The following KANK1 variants were observed in gnomAD, a reference collection of about 807,000 sequenced individuals.
KANK1 encodes KN motif and ankyrin repeat domain-containing protein 1.
KANK1 carries 109 observed loss-of-function variants against 106.2 expected under a neutral mutation model. That is an observed-to-expected ratio of 1.03 (90% CI 0.88 to 1.20). The LOEUF (loss-of-function observed/expected upper bound fraction) is 1.20, where lower values mean the gene tolerates loss of function less well. Among genes scored for constraint, KANK1 ranks in the 50% most tolerant of loss-of-function variants. The probability of loss-of-function intolerance (pLI) is 0.00; values close to 1 mark genes in which losing one functional copy is unlikely to be tolerated. For synonymous variants in KANK1, 873 were observed against 652.2 expected, an observed-to-expected ratio of 1.34 and a Z score of -5.16; for missense variants, 2,399 against 1,710.7, an observed-to-expected ratio of 1.40 and a Z score of -7.10.
At chr9:697,941 C>T (rs1589001174) in intron 2 of KANK1, among the ~76,000 whole-genome samples, 1 of 152,234 alleles carries the variant, frequency 6.6e-6, no homozygotes, top group East Asian at 1.9e-4. Flanking sequence ...GGGTTACCTG[C>T]AACAAGATCT....
rs949228797 is a variant in KANK1, at chr9:730,359, T to C, written c.2896+111T>C. 28 of 1,146,662 alleles carry C rather than the reference T, an allele frequency of 2.4e-5. No individual in the cohort carries two copies. In the African/African-American group the frequency reaches 3.5e-4, roughly 14 times the overall value. 71.0% of individuals were successfully genotyped at this position (1,146,662 alleles called of 1,614,324 possible). ...AAATTGACCTGGAAGAAAGTTAATATCGTTATTTGGAAGGTAGGCCCAGAA... is the reference window on the plus strand; with the variant it reads ...AAATTGACCTGGAAGAAAGTTAATACCGTTATTTGGAAGGTAGGCCCAGAA... On this transcript the variant is annotated intron_variant, in intron 4 of 11. Transcript: ENST00000382297.
chr9:549,545 TTTCC>T (rs1380163175), intron 1 of KANK1: 1 of 152,192 alleles, frequency 6.6e-6, no homozygotes, highest in Non-Finnish European at 1.5e-5. Flanking sequence ...AGGACAGTTT[TTTCC>T]TTCCTTTTCC....
chr9:694,760 C>T (rs1820820355), intron 2 of KANK1, among the ~76,000 whole-genome samples: 1 of 152,118 alleles, frequency 6.6e-6, no homozygotes, highest in Non-Finnish European at 1.5e-5. Flanking sequence ...TTAACCCATG[C>T]CCAGAGTAGA....
intron 1 of KANK1, among the ~76,000 whole-genome samples, chr9:595,324 C>T (rs950532786): frequency 6.6e-6 from 1 of 151,730 alleles, no homozygotes. Context: ...CAGAAAGTGG[C>T]TGAAAAGTGC....
At chr9:618,610 A>G (rs191928625) in intron 1 of KANK1, among the ~76,000 whole-genome samples, 56 of 152,284 alleles carry the variant, frequency 3.7e-4, no homozygotes, top group Non-Finnish European at 5.3e-4. Context: ...TTAAAAAAAC[A>G]TATTCACTCC....
chr9:658,143 C>A (rs1184565286), intron 1 of KANK1, among the ~76,000 whole-genome samples: 4 of 152,114 alleles, frequency 2.6e-5, no homozygotes, highest in Non-Finnish European at 5.9e-5. Context: ...ATAAACTATT[C>A]CTGGAATGTC....
At chr9:556,012 A>G (rs1255966630) in intron 1 of KANK1, among the ~76,000 whole-genome samples, 2 of 152,246 alleles carry the variant, frequency 1.3e-5, no homozygotes, top group Non-Finnish European at 2.9e-5. Context: ...CTTTTTAATC[A>G]TACTATAAAA....
chr9:693,316 C>T, intron 2 of KANK1: 1 of 901,510 alleles, frequency 1.1e-6, no homozygotes, highest in Non-Finnish European at 1.3e-6. Flanking sequence ...TGCTATAGCT[C>T]AAATTGTAAC....
chr9:607,085 A>G (rs533102679), intron 1 of KANK1, among the ~76,000 whole-genome samples: 17 of 151,912 alleles, frequency 1.1e-4, no homozygotes, highest in Middle Eastern at 3.4e-3. Flanking sequence ...TTAGACTAGT[A>G]ATTAATACAG....
chr9:476,380 G>A (rs1035403807), intron 3 of KANK1, among the ~76,000 whole-genome samples: 6 of 152,052 alleles, frequency 3.9e-5, no homozygotes, highest in Admixed American at 3.3e-4. Flanking sequence ...CATTAGCCGA[G>A]CATGGTGGGG....
chr9:620,563 C>T (rs1360837555), intron 1 of KANK1, among the ~76,000 whole-genome samples: 3 of 151,910 alleles, frequency 2.0e-5, no homozygotes, highest in Admixed American at 1.3e-4. Context: ...CCACCACACC[C>T]GGCTAATTTT....
At chr9:693,090 G>A (rs953525448) in intron 2 of KANK1, among the ~76,000 whole-genome samples, 10 of 152,050 alleles carry the variant, frequency 6.6e-5, no homozygotes, top group Admixed American at 4.6e-4. Context: ...CAAAAACAAA[G>A]GTTGCTCGAA....
upstream of KANK1, among the ~76,000 whole-genome samples, chr9:501,640 A>ACACACC (rs1554722137): frequency 6.7e-6 from 1 of 150,124 alleles, no homozygotes; most frequent in African/African-American, 2.5e-5. Flanking sequence ...ACACACACAC[A>ACACACC]CCCCAATTGC....
rs147012997 is a variant in KANK1, at chr9:697,248, G to A, written c.38-13556G>A. Among the ~76,000 whole-genome samples the A allele has an allele frequency of 4.0e-3, 605 of 152,210 alleles. 7 individuals are homozygous for A. The highest frequency in any genetic ancestry group is 0.014 in the African/African-American group (592 of 41,506). ...AGAATGTGTTTCAGGCAGGGTCCAG[G>A]CCATGCCTTCTTGGCAGGACAGTGC... On this transcript the variant is annotated intron_variant, in intron 2 of 11. Coordinates refer to ENST00000382297, the MANE Select transcript of KANK1 (RefSeq NM_015158.5).
chr9:664,864 A>T (rs1464949087), intron 1 of KANK1, among the ~76,000 whole-genome samples: 1 of 152,118 alleles, frequency 6.6e-6, no homozygotes, highest in African/African-American at 2.4e-5. Flanking sequence ...GATAAAAGCT[A>T]TTCTAATTGG....
chr9:713,188 C>G lies in KANK1; in HGVS notation c.2422C>G (p.Leu808Val), dbSNP rs568117707. The change falls in exon 3 of 12, where the codon CTG becomes GTG. Residue 808 changes from leucine to valine, a missense_variant. Transcript: ENST00000382297. The stretch of plus-strand genomic sequence containing the variant: ...TGGGGATGACCCTGTAGGGGAATCT[C>G]TGGAGAACCCCCAGCCTCAAGCTCC... Reference protein sequence around the residue: ...GVGDDPVGESLENPQPQAPLG... With the variant: ...GVGDDPVGESVENPQPQAPLG... The G allele has an allele frequency of 9.5e-6, 15 of 1,584,646 alleles. No homozygotes were observed. Among genetic ancestry groups the G allele is most frequent in the Non-Finnish European group, 1.3e-5 (15 of 1,165,648 alleles).
At chr9:550,219 G>A (rs1200046719) in intron 1 of KANK1, among the ~76,000 whole-genome samples, 1 of 151,952 alleles carries the variant, frequency 6.6e-6, no homozygotes, top group Non-Finnish European at 1.5e-5. Flanking sequence ...CTCCCCCCAG[G>A]GATACTGTAA....
At chr9:737,830 A>C (rs933862309) in intron 7 of KANK1, among the ~76,000 whole-genome samples, 1 of 152,224 alleles carries the variant, frequency 6.6e-6, no homozygotes, top group African/African-American at 2.4e-5. Context: ...ATTTCTATGA[A>C]AATTGTTTGC....
intron 2 of KANK1, among the ~76,000 whole-genome samples, chr9:688,336 T>C (rs1197551993): frequency 2.6e-5 from 4 of 152,228 alleles, no homozygotes; most frequent in Non-Finnish European, 5.9e-5. Context: ...CTGGGTGTGG[T>C]GGCTCATGCT....
Sources: gnomAD v4.1 joint callset for allele counts (sites outside exome capture counted in the v4.1 genomes callset) on GRCh38, gnomAD v4.1.1 for gene constraint, MANE v1.5 for transcripts, NCBI Gene and HGNC (gene_info 2026-07-23, HGNC 2026-07-21) for gene names.